Variants in NELL2 observed in about 807,000 individuals in gnomAD.
NELL2 encodes neural EGFL like 2.
NELL2 carries 41 observed loss-of-function variants against 109.6 expected under a neutral mutation model. That is an observed-to-expected ratio of 0.37 (90% CI 0.29 to 0.49). The LOEUF is 0.49. Ranked by LOEUF, NELL2 falls within the 20% of genes least tolerant of loss-of-function variation. NELL2 has a pLI of 0.98. For missense variants in NELL2, 900 were observed against 1,008.3 expected (o/e 0.89, Z 1.45); for synonymous variants, 355 against 344.7 (o/e 1.03, Z -0.33).
intron 11 of NELL2, among the ~76,000 whole-genome samples, chr12:44,704,457 G>T (rs144101025): frequency 1.2e-4 from 19 of 152,300 alleles, no homozygotes; most frequent in Non-Finnish European, 2.6e-4. Context: ...AGATTTCACA[G>T]ATCTCAGAGT....
chr12:44,591,900 C>T (rs917289650), intron 15 of NELL2, among the ~76,000 whole-genome samples: 1 of 151,842 alleles, frequency 6.6e-6, no homozygotes, highest in Non-Finnish European at 1.5e-5. Context: ...CTATTATGTG[C>T]CACTTAAAAT....
chr12:44,595,524 T>G (rs1944921250), intron 15 of NELL2, among the ~76,000 whole-genome samples: 1 of 152,018 alleles, frequency 6.6e-6, no homozygotes, highest in African/African-American at 2.4e-5. Context: ...CCTCCCGGCT[T>G]CATGCCATTC....
At chr12:44,893,013 G>A (rs1434345264) in intron 1 of NELL2, among the ~76,000 whole-genome samples, 1 of 152,080 alleles carries the variant, frequency 6.6e-6, no homozygotes, top group East Asian at 1.9e-4. Context: ...TACTCTATCA[G>A]TCCACATAGT....
At chr12:44,793,217 C>T (rs554189110) in intron 3 of NELL2, among the ~76,000 whole-genome samples, 6 of 151,960 alleles carry the variant, frequency 3.9e-5, no homozygotes, top group East Asian at 1.9e-4. Flanking sequence ...AACCACCTGT[C>T]GAGAATATAA....
At chr12:44,794,617 G>T (rs561216081) in intron 3 of NELL2, among the ~76,000 whole-genome samples, 1 of 152,160 alleles carries the variant, frequency 6.6e-6, no homozygotes, top group South Asian at 2.1e-4. Context: ...CCTCCCATTA[G>T]TTCTGTAAAC....
At chr12:44,623,808 C>T (rs186408816) in intron 13 of NELL2, among the ~76,000 whole-genome samples, 176 of 152,132 alleles carry the variant, frequency 1.2e-3, no homozygotes, top group African/African-American at 3.7e-3. Context: ...AAACGTGACC[C>T]GAAGACCAGA....
At chr12:44,612,484 A>T (rs1398710254) in intron 13 of NELL2, among the ~76,000 whole-genome samples, 1 of 151,754 alleles carries the variant, frequency 6.6e-6, no homozygotes, top group Non-Finnish European at 1.5e-5. Flanking sequence ...CACCCATATT[A>T]TCTAGTATCA....
Position 44,512,739 on chromosome 12 carries a change from T to A in NELL2, c.2401-3755A>T, listed in dbSNP as rs1026721287. On this transcript the variant is annotated intron_variant, in intron 19 of 19. Transcript: ENST00000429094. ...GTGCAGAAAGATACATACTACATGT[T>A]CTCTCTTATATGTTGGAGCTAAAAA... Among the ~76,000 whole-genome samples the A allele has an allele frequency of 6.6e-5, 10 of 152,056 alleles. No homozygotes were observed. In the East Asian group the frequency reaches 1.7e-3, roughly 26 times the overall value.
chr12:44,870,838 C>T (rs138751253), intron 2 of NELL2, among the ~76,000 whole-genome samples: 62 of 152,262 alleles, frequency 4.1e-4, no homozygotes, highest in African/African-American at 1.4e-3. Flanking sequence ...GCAAACTTAA[C>T]TTCCCCTTGC....
chr12:44,531,134 A>C lies in NELL2; in HGVS notation c.1804+1447T>G, dbSNP rs182709226. Reference sequence around the variant, plus strand: ...GTGTGCAAGGATACTAACCCAAATTAAACATAGGTAACCCCTAGAGGATGA... The same window carrying C: ...GTGTGCAAGGATACTAACCCAAATTCAACATAGGTAACCCCTAGAGGATGA... On this transcript the variant is annotated intron_variant, in intron 16 of 19. Coordinates refer to ENST00000429094, the MANE Select transcript of NELL2 (RefSeq NM_001145108.2). Among the ~76,000 whole-genome samples the C allele has an allele frequency of 6.6e-3, 1,009 of 152,334 alleles. 9 individuals carry two copies. Among genetic ancestry groups the C allele is most frequent in the African/African-American group, 0.023 (974 of 41,568 alleles).
intron 9 of NELL2, among the ~76,000 whole-genome samples, chr12:44,726,265 G>T (rs1021655828): frequency 4.6e-5 from 7 of 152,116 alleles, no homozygotes; most frequent in Non-Finnish European, 1.0e-4. Context: ...CAAATCATCA[G>T]GAACTCCGCT....
At chr12:44,696,377 C>T (rs1949062481) in intron 12 of NELL2, among the ~76,000 whole-genome samples, 1 of 152,098 alleles carries the variant, frequency 6.6e-6, no homozygotes, top group Non-Finnish European at 1.5e-5. Flanking sequence ...CCAGATATTT[C>T]ATGTTGAAGT....
At chr12:44,820,608 CA>C (rs11445797) in intron 2 of NELL2, among the ~76,000 whole-genome samples, 17 of 133,796 alleles carry the variant, frequency 1.3e-4, no homozygotes, top group Admixed American at 1.5e-4. Flanking sequence ...GACTCCGTCT[CA>C]AAAAAAAAAA....
intron 1 of NELL2, among the ~76,000 whole-genome samples, chr12:44,882,505 C>T (rs75265374): frequency 0.011 from 1,616 of 151,270 alleles, 32 homozygotes; most frequent in East Asian, 0.049. Flanking sequence ...TACACACACA[C>T]GCACACACAC....
At chr12:44,605,622 T>C (rs1255476846) in intron 15 of NELL2, among the ~76,000 whole-genome samples, 3 of 152,196 alleles carry the variant, frequency 2.0e-5, no homozygotes, top group Non-Finnish European at 4.4e-5. Context: ...TTTCTCCTAG[T>C]GGAAGAATCC....
At chr12:44,534,666 C>T (rs981662371) in intron 15 of NELL2, among the ~76,000 whole-genome samples, 4 of 152,068 alleles carry the variant, frequency 2.6e-5, no homozygotes, top group Non-Finnish European at 4.4e-5. Flanking sequence ...TTGATTATGT[C>T]ATTTCTTAAG....
chr12:44,508,853 C>G lies in NELL2; in HGVS notation c.*81G>C. The G allele has an allele frequency of 1.6e-6, 2 of 1,213,872 alleles. No individual in the cohort carries two copies. Among genetic ancestry groups the G allele is most frequent in the Non-Finnish European group, 2.4e-6 (2 of 834,962 alleles). The allele number at this position is 1,213,872 out of a possible 1,614,324, so 75.2% of individuals were successfully genotyped here. On this transcript the variant is annotated 3_prime_UTR_variant, in exon 20 of 20. Coordinates refer to ENST00000429094, the MANE Select transcript of NELL2 (RefSeq NM_001145108.2). ...CTGCATTTAGCTGCCCACAAATCACCCAATTTAAGTTTTAACTTCTTTTTG... is the reference window on the plus strand; with the variant it reads ...CTGCATTTAGCTGCCCACAAATCACGCAATTTAAGTTTTAACTTCTTTTTG...
intron 12 of NELL2, among the ~76,000 whole-genome samples, chr12:44,675,485 A>T (rs1436772527): frequency 6.6e-6 from 1 of 152,166 alleles, no homozygotes; most frequent in East Asian, 1.9e-4. Flanking sequence ...GGATAATTCA[A>T]GCTGGTCTAT....
intron 3 of NELL2, among the ~76,000 whole-genome samples, chr12:44,782,635 T>A: frequency 6.6e-6 from 1 of 151,366 alleles, no homozygotes; most frequent in Admixed American, 6.6e-5. Context: ...AGCCAAAAAA[T>A]ACCAAAGACA....
Sources: gnomAD v4.1 joint callset for allele counts (sites outside exome capture counted in the v4.1 genomes callset) on GRCh38, gnomAD v4.1.1 for gene constraint, MANE v1.5 for transcripts, NCBI Gene and HGNC (gene_info 2026-07-23, HGNC 2026-07-21) for gene names.